The following CLSTN2 variants were observed in gnomAD, a reference collection of about 807,000 sequenced individuals.
CLSTN2 encodes calsyntenin 2.
A neutral mutation model predicts 101.2 loss-of-function variants in CLSTN2; 48 were observed. The observed-to-expected ratio is 0.47, with a 90% CI of 0.38 to 0.60. CLSTN2 has a LOEUF of 0.60. Among genes scored for constraint, CLSTN2 ranks in the 20% least tolerant of loss-of-function variants. The pLI, the probability that CLSTN2 is intolerant of heterozygous loss-of-function variation, is 0.00. For missense variants in CLSTN2, 1,160 were observed against 1,238.2 expected (o/e 0.94, Z 0.95); for synonymous variants, 481 against 463.6 (o/e 1.04, Z -0.48).
intron 2 of CLSTN2, among the ~76,000 whole-genome samples, chr3:140,389,335 A>G (rs7637809): frequency 0.017 from 2,518 of 152,052 alleles, 72 homozygotes; most frequent in African/African-American, 0.058. Context: ...TCCCCTCCCC[A>G]TGTCCATGTG....
chr3:140,013,650 T>C (rs1188719034), intron 1 of CLSTN2, among the ~76,000 whole-genome samples: 1 of 151,418 alleles, frequency 6.6e-6, no homozygotes, highest in East Asian at 1.9e-4. Context: ...TTTAAGAAAA[T>C]CAAATTGCAA....
At chr3:140,209,281 G>A (rs1206497869) in intron 2 of CLSTN2, among the ~76,000 whole-genome samples, 1 of 152,170 alleles carries the variant, frequency 6.6e-6, no homozygotes, top group African/African-American at 2.4e-5. Flanking sequence ...CAGTATTTGG[G>A]TAGGCATTGA....
In CLSTN2 at chr3:140,055,975, G is replaced by C. The variant is rs1189871262; in HGVS notation, c.110-119976G>C. ...CAATGGCACTCATCATTGATATAAA[G>C]AGAAGGTCTTTGAGGAGGCTGGATT... is the stretch of plus-strand genomic sequence containing the variant. On this transcript the variant is annotated intron_variant, in intron 1 of 16. Transcript: ENST00000458420. Among the ~76,000 whole-genome samples the C allele has an allele frequency of 2.0e-5, 3 of 152,234 alleles. 1 individual carries two copies. Among genetic ancestry groups the C allele is most frequent in the Admixed American group, 6.5e-5 (1 of 15,288 alleles).
chr3:140,550,251 T>G (rs74754750), intron 10 of CLSTN2, among the ~76,000 whole-genome samples: 9,989 of 150,164 alleles, frequency 0.067, 567 homozygotes, highest in African/African-American at 0.14. Context: ...AGGCAAGGGA[T>G]CATGATCTCA....
At chr3:140,399,799 T>C (rs1337529121) in intron 2 of CLSTN2, among the ~76,000 whole-genome samples, 1 of 152,160 alleles carries the variant, frequency 6.6e-6, no homozygotes, top group Non-Finnish European at 1.5e-5. Context: ...TGGAGTATGA[T>C]TGATCACGTC....
chr3:140,271,837 A>T (rs4683485), intron 2 of CLSTN2, among the ~76,000 whole-genome samples: 53,002 of 152,206 alleles, frequency 0.35, 10,552 homozygotes, highest in Non-Finnish European at 0.46. Context: ...GTCACACGCT[A>T]CATGTGCTTG....
chr3:139,975,207 G>A (rs749546243), intron 1 of CLSTN2, among the ~76,000 whole-genome samples: 2 of 152,138 alleles, frequency 1.3e-5, no homozygotes, highest in Non-Finnish European at 2.9e-5. Flanking sequence ...GGGAGTAGCA[G>A]GCACAGCCTC....
chr3:140,370,879 C>A (rs899623), intron 2 of CLSTN2, among the ~76,000 whole-genome samples: 93 of 151,454 alleles, frequency 6.1e-4, no homozygotes, highest in South Asian at 3.0e-3. Flanking sequence ...ACCCTAGCAC[C>A]GGCCCCACCC....
At chr3:140,369,478 G>T (rs2087827068) in intron 2 of CLSTN2, among the ~76,000 whole-genome samples, 1 of 152,210 alleles carries the variant, frequency 6.6e-6, no homozygotes, top group Non-Finnish European at 1.5e-5. Context: ...ATTTATCACA[G>T]AAGGTCTTGC....
At chr3:140,403,573 G>C in intron 2 of CLSTN2, 56 bp from the exon 3 acceptor site, 1 of 1,430,622 alleles carries the variant, frequency 7.0e-7, no homozygotes. Context: ...TGGAAGCACT[G>C]TCTTCAGTCT....
intron 2 of CLSTN2, among the ~76,000 whole-genome samples, chr3:140,298,827 G>A (rs1193459756): frequency 6.6e-6 from 1 of 152,198 alleles, no homozygotes; most frequent in African/African-American, 2.4e-5. Flanking sequence ...CAAAATTGGA[G>A]TGAAGAGGCA....
chr3:140,552,844 T>G (rs780876884), intron 10 of CLSTN2, among the ~76,000 whole-genome samples: 3 of 152,152 alleles, frequency 2.0e-5, no homozygotes, highest in African/African-American at 7.2e-5. Flanking sequence ...CACAAGACTC[T>G]GCTATAGGAG....
chr3:140,066,641 G>C (rs1333646315), intron 1 of CLSTN2, among the ~76,000 whole-genome samples: 1 of 152,186 alleles, frequency 6.6e-6, no homozygotes. Flanking sequence ...CCATTTTACT[G>C]TTCTGCTACC....
chr3:140,163,306 A>G (rs564704150), intron 1 of CLSTN2, among the ~76,000 whole-genome samples: 1 of 152,048 alleles, frequency 6.6e-6, no homozygotes, highest in Non-Finnish European at 1.5e-5. Flanking sequence ...TTGCCTCAAG[A>G]TTGCAGCATC....
intron 1 of CLSTN2, among the ~76,000 whole-genome samples, chr3:140,072,305 C>T (rs2008411258): frequency 6.6e-6 from 1 of 152,094 alleles, no homozygotes; most frequent in African/African-American, 2.4e-5. Context: ...AAGGAATTCT[C>T]AGAAATCCTT....
At chr3:140,329,777 T>C (rs2087364136) in intron 2 of CLSTN2, among the ~76,000 whole-genome samples, 1 of 152,206 alleles carries the variant, frequency 6.6e-6, no homozygotes, top group South Asian at 2.1e-4. Flanking sequence ...TATGGCCAGG[T>C]GCCACTAAAA....
At position 140,268,096 on chromosome 3, in the gene CLSTN2, A is replaced by T. The variant is rs145395208; in HGVS notation, c.232+92023A>T. Among the ~76,000 whole-genome samples the T allele has an allele frequency of 9.2e-5, 14 of 152,270 alleles. No individual in the cohort carries two copies. In the East Asian group the frequency reaches 2.3e-3, roughly 25 times the overall value. Reference sequence around the variant, plus strand: ...AAGCTCTGAGCTTGGAGGCGAAAAGAGCTATCGGGGTGAACCGCTGGCTGC... The same window carrying T: ...AAGCTCTGAGCTTGGAGGCGAAAAGTGCTATCGGGGTGAACCGCTGGCTGC... On this transcript the variant is annotated intron_variant, in intron 2 of 16. Transcript: ENST00000458420.
At chr3:140,318,211 G>A (rs1032632448) in intron 2 of CLSTN2, among the ~76,000 whole-genome samples, 9 of 152,154 alleles carry the variant, frequency 5.9e-5, no homozygotes, top group African/African-American at 2.2e-4. Context: ...GGTAAGCTAA[G>A]GTGCATTGGG....
In CLSTN2 at chr3:140,562,250, T is replaced by C. The variant is rs766071208; in HGVS notation, c.2154T>C (p.Ser718=). The change falls in exon 13 of 17, where the codon AGT becomes AGC. Residue 718 remains serine, a synonymous_variant. Coordinates refer to ENST00000458420, the MANE Select transcript of CLSTN2 (RefSeq NM_022131.3). ...AGGAGTGCTTGGAGCTCAACCACAG[T>C]GAGCTCCACCAACGACACCTGGATG... is the stretch of plus-strand genomic sequence containing the variant. ...PRQECLELNH[S]ELHQRHLDAT... The C allele has an allele frequency of 6.2e-7, 1 of 1,610,442 alleles. No individual in the cohort carries two copies. Among genetic ancestry groups the C allele is most frequent in the Non-Finnish European group, 8.5e-7 (1 of 1,176,810 alleles).
Sources: allele counts gnomAD v4.1 joint callset (sites outside exome capture counted in the v4.1 genomes callset), GRCh38; gene constraint gnomAD v4.1.1; transcripts MANE v1.5; gene names NCBI Gene and HGNC (gene_info 2026-07-23, HGNC 2026-07-21).